Variants in PHACTR1 observed in about 807,000 individuals in gnomAD.
PHACTR1 encodes RPEL repeat containing 1.
A neutral mutation model predicts 69.2 loss-of-function variants in PHACTR1; 16 were observed. The ratio of observed to expected loss-of-function variants is 0.23; its 90% CI spans 0.16 to 0.35. The LOEUF is 0.35. Among genes scored for constraint, PHACTR1 ranks in the 10% least tolerant of loss-of-function variants. PHACTR1 has a pLI of 1.00. For missense variants in PHACTR1, 510 were observed against 734.7 expected (o/e 0.69, Z 3.54); for synonymous variants, 312 against 284.5 (o/e 1.10, Z -0.97).
chr6:13,082,706 G>A (rs1279157101), intron 5 of PHACTR1, among the ~76,000 whole-genome samples: 3 of 152,206 alleles, frequency 2.0e-5, no homozygotes, highest in Non-Finnish European at 4.4e-5. Flanking sequence ...CAGTGATGAT[G>A]AGCATTTTTT....
chr6:12,915,319 C>T (rs1332807740), intron 4 of PHACTR1, among the ~76,000 whole-genome samples: 1 of 151,990 alleles, frequency 6.6e-6, no homozygotes, highest in Non-Finnish European at 1.5e-5. Context: ...TTAGCCTGGG[C>T]AACATGGCAA....
chr6:13,053,299 T>C, intron 4 of PHACTR1, 66 bp from the exon 5 acceptor site: 1 of 1,450,780 alleles, frequency 6.9e-7, no homozygotes, highest in African/African-American at 1.4e-5. Flanking sequence ...GTTGGCCATC[T>C]GTGAGGCTCC....
chr6:12,824,472 G>A (rs895929037), intron 4 of PHACTR1, among the ~76,000 whole-genome samples: 1 of 152,028 alleles, frequency 6.6e-6, no homozygotes, highest in Non-Finnish European at 1.5e-5. Context: ...AAAAGGCTGG[G>A]GACTGCTGGC....
intron 4 of PHACTR1, among the ~76,000 whole-genome samples, chr6:12,901,694 C>T (rs1785213985): frequency 6.6e-6 from 1 of 152,168 alleles, no homozygotes; most frequent in African/African-American, 2.4e-5. Flanking sequence ...CGGGGTTTCA[C>T]CATGTTGGTC....
chr6:13,199,398 A>C (rs1174700144), intron 7 of PHACTR1, among the ~76,000 whole-genome samples: 4 of 150,860 alleles, frequency 2.7e-5, no homozygotes, highest in Admixed American at 6.6e-5. Context: ...AAAAAAAAAA[A>C]AAAAAAAAAA....
intron 4 of PHACTR1, among the ~76,000 whole-genome samples, chr6:12,853,514 G>A (rs749237729): frequency 2.1e-4 from 32 of 152,344 alleles, no homozygotes; most frequent in Non-Finnish European, 4.3e-4. Context: ...AGGGAACAGA[G>A]AGGGTGTATT....
rs551993594 is a variant in PHACTR1 at position 13,055,823 on chromosome 6, C to T, written c.415+2294C>T. On this transcript the variant is annotated intron_variant, in intron 5 of 14. Transcript: ENST00000332995. ...ATCAGATTACTCATGAATTATTAAA[C>T]GTCTTCAAAAATTTTGTTTTAAGCT... Among the ~76,000 whole-genome samples the T allele has an allele frequency of 1.5e-4, 23 of 152,320 alleles. No individual in the cohort carries two copies. In the South Asian group the frequency reaches 4.1e-3, roughly 27 times the overall value.
At chr6:13,229,400 C>A (rs1473619235) in intron 9 of PHACTR1, among the ~76,000 whole-genome samples, 2 of 152,108 alleles carry the variant, frequency 1.3e-5, no homozygotes, top group African/African-American at 4.8e-5. Context: ...TGTAGGGAAG[C>A]CCTGCCTCAG....
intron 4 of PHACTR1, among the ~76,000 whole-genome samples, chr6:13,009,494 AT>A (rs1244607528): frequency 2.0e-5 from 3 of 152,088 alleles, no homozygotes; most frequent in Non-Finnish European, 4.4e-5. Context: ...AATATTTTGT[AT>A]TTCTACTGTA....
intron 4 of PHACTR1, among the ~76,000 whole-genome samples, chr6:12,847,945 G>A (rs1303921813): frequency 6.6e-6 from 1 of 151,914 alleles, no homozygotes; most frequent in Non-Finnish European, 1.5e-5. Context: ...CACTATTTCC[G>A]GTATATTATC....
At chr6:13,012,468 G>A (rs1562131612) in intron 4 of PHACTR1, among the ~76,000 whole-genome samples, 2 of 152,252 alleles carry the variant, frequency 1.3e-5, no homozygotes, top group African/African-American at 2.4e-5. Context: ...CACTATTCCA[G>A]TAGGTTGGAA....
At position 13,221,765 on chromosome 6, in the gene PHACTR1, C is replaced by T. The variant is rs149639822; in HGVS notation, c.987-6051C>T. Among the ~76,000 whole-genome samples, 1,409 of 152,302 alleles carry T rather than the reference C, an allele frequency of 9.3e-3. 20 individuals carry two copies. Among genetic ancestry groups the T allele is most frequent in the African/African-American group, 0.029 (1,225 of 41,556 alleles). ...TAGAATGAACAAAGGTGGCCGGGCACGGTGGCTCACGCCTCTAATCCCAGC... is the reference window on the plus strand; with the variant it reads ...TAGAATGAACAAAGGTGGCCGGGCATGGTGGCTCACGCCTCTAATCCCAGC... On this transcript the variant is annotated intron_variant, in intron 8 of 14. Coordinates refer to ENST00000332995, the MANE Select transcript of PHACTR1 (RefSeq NM_030948.6).
At chr6:13,281,094 C>G (rs1562120109) in intron 12 of PHACTR1, 2 of 1,289,512 alleles carry the variant, frequency 1.6e-6, no homozygotes, top group Admixed American at 2.3e-5. Context: ...CCGCGATGTT[C>G]AGGCATAAGA....
intron 7 of PHACTR1, among the ~76,000 whole-genome samples, chr6:13,190,586 T>C (rs1463419191): frequency 6.6e-6 from 1 of 152,004 alleles, no homozygotes; most frequent in Non-Finnish European, 1.5e-5. Context: ...CTGAGTTCAG[T>C]TGGGTCGGGT....
chr6:12,756,891 C>G (rs940544717), intron 4 of PHACTR1, among the ~76,000 whole-genome samples: 4 of 152,104 alleles, frequency 2.6e-5, no homozygotes, highest in Admixed American at 2.6e-4. Context: ...CTGTATTATT[C>G]GTGAGTTTCT....
intron 10 of PHACTR1, among the ~76,000 whole-genome samples, chr6:13,233,370 T>C (rs1771528008): frequency 2.6e-5 from 1 of 38,458 alleles, no homozygotes; most frequent in South Asian, 7.8e-4. Context: ...TAGTATACAT[T>C]GTTCCCAGCC....
intron 4 of PHACTR1, among the ~76,000 whole-genome samples, chr6:13,044,423 T>G (rs1314881622): frequency 6.6e-6 from 1 of 152,216 alleles, no homozygotes; most frequent in Non-Finnish European, 1.5e-5. Context: ...TGTTTATCAG[T>G]AGTTCCAACA....
chr6:13,031,305 G>A (rs757119552), intron 4 of PHACTR1, among the ~76,000 whole-genome samples: 5 of 152,086 alleles, frequency 3.3e-5, no homozygotes, highest in Non-Finnish European at 5.9e-5. Flanking sequence ...TGCAGTGTTT[G>A]TCTATTTTAG....
intron 10 of PHACTR1, among the ~76,000 whole-genome samples, chr6:13,250,132 C>A (rs1774172781): frequency 6.6e-6 from 1 of 152,140 alleles, no homozygotes; most frequent in African/African-American, 2.4e-5. Flanking sequence ...CTGTATGGCC[C>A]ACAAACCCAA....
Sources: gnomAD v4.1 joint callset for allele counts (sites outside exome capture counted in the v4.1 genomes callset) on GRCh38, gnomAD v4.1.1 for gene constraint, MANE v1.5 for transcripts, NCBI Gene and HGNC (gene_info 2026-07-23, HGNC 2026-07-21) for gene names.